JAKMIP1: variants seen among roughly 807,000 people sequenced by gnomAD.
The protein encoded by JAKMIP1 is janus kinase and microtubule interacting protein 1.
A neutral mutation model predicts 113.0 loss-of-function variants in JAKMIP1; 33 were observed. That is an observed-to-expected ratio of 0.29 (90% CI 0.22 to 0.39). The LOEUF is 0.39. JAKMIP1 is among the 10% of genes least tolerant of loss of function. JAKMIP1 has a pLI of 1.00. For missense variants in JAKMIP1, 813 were observed against 1,080.5 expected, an observed-to-expected ratio of 0.75 and a Z score of 3.47; for synonymous variants, 480 against 459.9, an observed-to-expected ratio of 1.04 and a Z score of -0.56.
At chr4:6,173,613 T>G (rs1724997956) in intron 1 of JAKMIP1, among the ~76,000 whole-genome samples, 1 of 152,222 alleles carries the variant, frequency 6.6e-6, no homozygotes, top group African/African-American at 2.4e-5. Flanking sequence ...CTTTACACCT[T>G]CATCTTGATT....
At chr4:6,053,819 T>C (rs1715980167) in intron 13 of JAKMIP1, 3 of 1,331,738 alleles carry the variant, frequency 2.3e-6, no homozygotes, top group Non-Finnish European at 2.9e-6. Flanking sequence ...ATATTAGCTC[T>C]GGTACATGTC....
At chr4:6,146,499 G>T (rs998467163) in intron 1 of JAKMIP1, among the ~76,000 whole-genome samples, 1 of 152,116 alleles carries the variant, frequency 6.6e-6, no homozygotes, top group Non-Finnish European at 1.5e-5. Context: ...TCACCCTGTT[G>T]CCCAGGCTGA....
chr4:6,193,449 G>A lies in JAKMIP1; in HGVS notation c.-148+6804C>T, dbSNP rs1382362714. Among the ~76,000 whole-genome samples the A allele has an allele frequency of 5.9e-5, 9 of 152,154 alleles. No individual in the cohort carries two copies. The highest frequency in any genetic ancestry group is 7.3e-5 in the Non-Finnish European group (5 of 68,042). ...CTAGAGAACCCTGACTAATACAGACGTGAGGGATGAAAAGAAGCCAGTCTG... is the reference window on the plus strand; with the variant it reads ...CTAGAGAACCCTGACTAATACAGACATGAGGGATGAAAAGAAGCCAGTCTG... On this transcript the variant is annotated intron_variant, in intron 1 of 20. Transcript: ENST00000409021. This position sits in a 1 kb window ranked among gnomAD's most constrained non-coding sequence, Gnocchi z 6.4.
In JAKMIP1 at chr4:6,076,700, T is replaced by C. The variant is rs1225066379; in HGVS notation, c.1302+2239A>G. Among the ~76,000 whole-genome samples, 1 of 152,184 alleles carries C rather than the reference T, an allele frequency of 6.6e-6. No individual in the cohort carries two copies. The highest frequency in any genetic ancestry group is 2.4e-5 in the African/African-American group (1 of 41,448). On this transcript the variant is annotated intron_variant, in intron 8 of 20. Coordinates refer to ENST00000409021, the MANE Select transcript of JAKMIP1 (RefSeq NM_001099433.2). This position sits in a 1 kb window ranked among gnomAD's most constrained non-coding sequence, Gnocchi z 4.8. ...GAAATACTTGGAACCAGAAGGAATT[T>C]TGGATGTTTTTTCAGATTTTGGAAT...
rs2108749198 is a variant in JAKMIP1, at chr4:6,035,993, T to G, written c.2290A>C (p.Lys764Gln). 1 of 1,551,722 alleles carries G rather than the reference T, an allele frequency of 6.4e-7. No homozygotes were observed. The highest frequency in any genetic ancestry group is 1.7e-4 in the Middle Eastern group (1 of 5,992). Reference protein sequence around the residue: ...QREDLQAAVEKVRRQILRQSR... With the variant: ...QREDLQAAVEQVRRQILRQSR... ...TGCCTGAGGATCTGCCTGCGCACCTTTTCCACAGCAGCCTGCAGGTCCTCC... is the reference window on the plus strand; with the variant it reads ...TGCCTGAGGATCTGCCTGCGCACCTGTTCCACAGCAGCCTGCAGGTCCTCC... The change falls in exon 19 of 21, where the codon AAG (lysine) becomes CAG (glutamine). Residue 764 changes from lysine to glutamine, a missense_variant. Physicochemically the swap from Lys to Gln is moderately conservative, Grantham distance 53. Transcript: ENST00000409021.
chr4:6,052,241 A>T (rs865874503), intron 13 of JAKMIP1, among the ~76,000 whole-genome samples: 1 of 152,250 alleles, frequency 6.6e-6, no homozygotes, highest in Non-Finnish European at 1.5e-5. Context: ...CAAGCAAAAA[A>T]ACAAATTTCA....
intron 1 of JAKMIP1, among the ~76,000 whole-genome samples, chr4:6,161,522 G>C (rs557717512): frequency 6.6e-6 from 1 of 151,360 alleles, no homozygotes; most frequent in South Asian, 2.1e-4. Context: ...GCTGAGCTGA[G>C]CTCCAAAGAA....
Position 6,150,893 on chromosome 4 carries a change from C to A in JAKMIP1, c.-147-37896G>T, listed in dbSNP as rs1721492160. On this transcript the variant is annotated intron_variant, in intron 1 of 20. Transcript: ENST00000409021. This position sits in a 1 kb window ranked among gnomAD's most constrained non-coding sequence, Gnocchi z 4.8. Reference sequence around the variant, plus strand: ...CACCCAGTGCAACACCTGAAGCAGTCAGCGTTGAGTGTGCCCAGGTGACAC... The same window carrying A: ...CACCCAGTGCAACACCTGAAGCAGTAAGCGTTGAGTGTGCCCAGGTGACAC... Among the ~76,000 whole-genome samples the A allele has an allele frequency of 6.6e-6, 1 of 152,164 alleles. No individual in the cohort carries two copies. The highest frequency in any genetic ancestry group is 6.5e-5 in the Admixed American group (1 of 15,282).
chr4:6,070,192 CCT>C (rs1304723490), intron 8 of JAKMIP1: 2 of 398,422 alleles, frequency 5.0e-6, no homozygotes, highest in Non-Finnish European at 8.8e-6. Context: ...CACACCAGCC[CCT>C]GTGCGTGGGC....
intron 19 of JAKMIP1, among the ~76,000 whole-genome samples, chr4:6,034,671 G>A (rs569521969): frequency 3.7e-4 from 57 of 152,218 alleles, no homozygotes; most frequent in African/African-American, 1.3e-3. Context: ...GTGTGGTGGC[G>A]GGTGCCTATA....
rs528074749 is a variant in JAKMIP1 at position 6,192,596 on chromosome 4, G to A, written c.-148+7657C>T. On this transcript the variant is annotated intron_variant, in intron 1 of 20. Transcript: ENST00000409021. The surrounding 1 kb of genome is among the most constrained non-coding windows in gnomAD (Gnocchi z 5.0). The stretch of plus-strand genomic sequence containing the variant: ...CAGAAAGATGAAGGAACGAGCACTC[G>A]ATCACAGAGCTAGCAGGGTGGAGTT... Among the ~76,000 whole-genome samples the A allele has an allele frequency of 6.6e-6, 1 of 152,136 alleles. No homozygotes were observed. The highest frequency in any genetic ancestry group is 2.4e-5 in the African/African-American group (1 of 41,428).
Position 6,200,142 on chromosome 4 carries a change from G to A in JAKMIP1, c.-148+111C>T, listed in dbSNP as rs1728291149. ...AGGGGGAGATGGACGATGGGGCGGG[G>A]CGGCACCGGTCGCCGCGTCCCTTGC... is the stretch of plus-strand genomic sequence containing the variant. On this transcript the variant is annotated intron_variant, in intron 1 of 20. Coordinates refer to ENST00000409021, the MANE Select transcript of JAKMIP1 (RefSeq NM_001099433.2). The surrounding 1 kb of genome is among the most constrained non-coding windows in gnomAD (Gnocchi z 7.0). 1 of 151,954 alleles carries A rather than the reference G, an allele frequency of 6.6e-6. No individual in the cohort carries two copies. Among genetic ancestry groups the A allele is most frequent in the Non-Finnish European group, 1.5e-5 (1 of 67,960 alleles). 9.4% of individuals were successfully genotyped at this position (151,954 alleles called of 1,614,324 possible).
Position 6,192,018 on chromosome 4 carries a change from C to T in JAKMIP1, c.-148+8235G>A, listed in dbSNP as rs971220587. Among the ~76,000 whole-genome samples the T allele has an allele frequency of 5.3e-5, 8 of 151,902 alleles. No individual in the cohort carries two copies. Among genetic ancestry groups the T allele is most frequent in the African/African-American group, 1.9e-4 (8 of 41,408 alleles). ...CCCAATCTTGGCTCATTACAACCTC[C>T]GCCTCCCGGGTTTGAGCTATTCTCC... On this transcript the variant is annotated intron_variant, in intron 1 of 20. Coordinates refer to ENST00000409021, the MANE Select transcript of JAKMIP1 (RefSeq NM_001099433.2). This position sits in a 1 kb window ranked among gnomAD's most constrained non-coding sequence, Gnocchi z 5.0.
rs1414533417 is a variant in JAKMIP1 at position 6,051,736 on chromosome 4, A to G, written c.1807-1057T>C. ...ATTTATTAATCATACATAAATGACA[A>G]GGTTTTAAAAGGTCGGGAAAACCTA... On this transcript the variant is annotated intron_variant, in intron 13 of 20. Transcript: ENST00000409021. This position sits in a 1 kb window ranked among gnomAD's most constrained non-coding sequence, Gnocchi z 5.0. Among the ~76,000 whole-genome samples, 1 of 152,272 alleles carries G rather than the reference A, an allele frequency of 6.6e-6. No individual in the cohort carries two copies. The highest frequency in any genetic ancestry group is 2.1e-4 in the South Asian group (1 of 4,838).
Position 6,049,895 on chromosome 4 carries a change from AT to A in JAKMIP1, c.1909-24del, listed in dbSNP as rs1715443794. 6.3e-7 allele frequency: 1 copy of A among 1,589,482 alleles called. No homozygotes were observed. Among genetic ancestry groups the A allele is most frequent in the South Asian group, 1.1e-5 (1 of 90,068 alleles). ...ATCCTGGAAGAGATTTCCAACGTTC[AT>A]TTTTGTGTGAGCTACAGAGACCAAC... is the stretch of plus-strand genomic sequence containing the variant. On this transcript the variant is annotated intron_variant, in intron 14 of 20. Transcript: ENST00000409021. The surrounding 1 kb of genome is among the most constrained non-coding windows in gnomAD (Gnocchi z 7.0).
chr4:6,071,929 C>T (rs1026861718), intron 8 of JAKMIP1, among the ~76,000 whole-genome samples: 1 of 152,172 alleles, frequency 6.6e-6, no homozygotes. Flanking sequence ...GCACAGAGCC[C>T]GCTGTGAAAG....
At position 6,061,640 on chromosome 4, in the gene JAKMIP1, C is replaced by T. The variant is rs565530311; in HGVS notation, c.1560+672G>A. ...TCAGTTCTGAGCCTGTTTCCTCATT[C>T]GGAAGATCGGGTTAATTCCTCCTGC... On this transcript the variant is annotated intron_variant, in intron 10 of 20. Coordinates refer to ENST00000409021, the MANE Select transcript of JAKMIP1 (RefSeq NM_001099433.2). The surrounding 1 kb of genome is among the most constrained non-coding windows in gnomAD (Gnocchi z 5.3). Among the ~76,000 whole-genome samples the T allele has an allele frequency of 2.0e-5, 3 of 149,950 alleles. No individual in the cohort carries two copies. Among genetic ancestry groups the T allele is most frequent in the Admixed American group, 6.7e-5 (1 of 14,974 alleles).
rs2108846455 is a variant in JAKMIP1 at position 6,093,149 on chromosome 4, C to T, written c.625-7520G>A. ...CTCCTATGCATCCTTCAAAACCCAG[C>T]TCACACCTCACTTCCTCTGTGAAAT... On this transcript the variant is annotated intron_variant, in intron 3 of 20. Coordinates refer to ENST00000409021, the MANE Select transcript of JAKMIP1 (RefSeq NM_001099433.2). The surrounding 1 kb of genome is among the most constrained non-coding windows in gnomAD (Gnocchi z 4.6). Among the ~76,000 whole-genome samples, 1 of 152,264 alleles carries T rather than the reference C, an allele frequency of 6.6e-6. No individual in the cohort carries two copies. The highest frequency in any genetic ancestry group is 1.9e-4 in the East Asian group (1 of 5,178).
intron 1 of JAKMIP1, among the ~76,000 whole-genome samples, chr4:6,148,526 G>A (rs899474529): frequency 5.9e-5 from 9 of 152,230 alleles, no homozygotes; most frequent in Admixed American, 3.3e-4. Flanking sequence ...TGCGCCGGGC[G>A]CATCCTCCTT....
Sources: allele counts gnomAD v4.1 joint callset (sites outside exome capture counted in the v4.1 genomes callset), GRCh38; gene constraint gnomAD v4.1.1; non-coding constraint Gnocchi (gnomAD v3.1); transcripts MANE v1.5; gene names NCBI Gene and HGNC (gene_info 2026-07-23, HGNC 2026-07-21).